TENM3: variants seen among roughly 807,000 people sequenced by gnomAD.
The protein encoded by TENM3 is teneurin transmembrane protein 3, also known as teneurin-3.
A neutral mutation model predicts 255.1 loss-of-function variants in TENM3; 63 were observed. The ratio of observed to expected loss-of-function variants is 0.25; its 90% CI spans 0.20 to 0.30. The LOEUF is 0.30. Among genes scored for constraint, TENM3 ranks in the 10% least tolerant of loss-of-function variants. The pLI, the probability that TENM3 is intolerant of heterozygous loss-of-function variation, is 1.00. For synonymous variants in TENM3, 1,306 were observed against 1,322.3 expected (o/e 0.99, Z 0.27); for missense variants, 2,929 against 3,461.1 (o/e 0.85, Z 3.86).
chr4:182,256,143 C>T (rs1250925544), intron 1 of TENM3, among the ~76,000 whole-genome samples: 5 of 152,140 alleles, frequency 3.3e-5, no homozygotes, highest in Non-Finnish European at 7.4e-5. Context: ...TAGGCTTTCT[C>T]GAGGTTATTC....
the TENM3 span, among the ~76,000 whole-genome samples, chr4:182,074,925 G>A: frequency 1.3e-5 from 2 of 152,128 alleles, no homozygotes; most frequent in African/African-American, 2.4e-5. Context: ...GAATGTGTTG[G>A]CTCCCATCCA....
At chr4:182,407,722 A>G (rs1561415302) in intron 3 of TENM3, among the ~76,000 whole-genome samples, 2 of 152,320 alleles carry the variant, frequency 1.3e-5, no homozygotes, top group Non-Finnish European at 1.5e-5. Flanking sequence ...TGAAATTGAC[A>G]TTTGTTCAAG....
chr4:181,808,501 A>G, the TENM3 span, among the ~76,000 whole-genome samples: 1 of 152,204 alleles, frequency 6.6e-6, no homozygotes, highest in African/African-American at 2.4e-5. Context: ...TCTGTAATCT[A>G]TCTTTAAAAA....
At chr4:181,797,352 C>T in the TENM3 span, among the ~76,000 whole-genome samples, 1 of 152,022 alleles carries the variant, frequency 6.6e-6, no homozygotes, top group Non-Finnish European at 1.5e-5. Flanking sequence ...AGAGAAGGGG[C>T]CTTGGACTCC....
the TENM3 span, among the ~76,000 whole-genome samples, chr4:181,657,151 C>G: frequency 9.9e-5 from 15 of 152,180 alleles, no homozygotes; most frequent in East Asian, 2.9e-3. Flanking sequence ...CTTAGAGGAC[C>G]AGTGATCTTT....
chr4:181,949,301 C>T, the TENM3 span, among the ~76,000 whole-genome samples: 2 of 152,170 alleles, frequency 1.3e-5, no homozygotes, highest in African/African-American at 2.4e-5. Context: ...CTTAATAGAA[C>T]AACTGCAAAA....
At chr4:182,454,775 TTA>T (rs1303962966) in intron 3 of TENM3, among the ~76,000 whole-genome samples, 2 of 152,230 alleles carry the variant, frequency 1.3e-5, no homozygotes, top group African/African-American at 4.8e-5. Context: ...GCATTCTTGC[TTA>T]TATGTTTGAA....
intron 3 of TENM3, among the ~76,000 whole-genome samples, chr4:182,363,880 A>G (rs1351490078): frequency 6.6e-6 from 1 of 152,192 alleles, no homozygotes; most frequent in Non-Finnish European, 1.5e-5. Context: ...TTTAGCATAC[A>G]GCAGATGAAG....
chr4:181,924,798 G>A, the TENM3 span, among the ~76,000 whole-genome samples: 2 of 152,156 alleles, frequency 1.3e-5, no homozygotes, highest in Non-Finnish European at 2.9e-5. Context: ...ATTAAAAATA[G>A]AGAGCTGGTC....
At chr4:182,387,492 A>C (rs1768040471) in intron 3 of TENM3, among the ~76,000 whole-genome samples, 1 of 152,186 alleles carries the variant, frequency 6.6e-6, no homozygotes, top group South Asian at 2.1e-4. Context: ...ACATAAGAGA[A>C]TAAAAGAAGG....
chr4:182,526,434 T>C (rs1276092735), intron 3 of TENM3, among the ~76,000 whole-genome samples: 1 of 152,104 alleles, frequency 6.6e-6, no homozygotes, highest in Admixed American at 6.5e-5. Context: ...TTTTTCACTT[T>C]CCTTTTGCCA....
At chr4:181,932,222 T>A in the TENM3 span, among the ~76,000 whole-genome samples, 1 of 151,990 alleles carries the variant, frequency 6.6e-6, no homozygotes, top group Admixed American at 6.5e-5. Flanking sequence ...ATCATCAGAG[T>A]GAACAGGCAG....
In TENM3 at chr4:182,680,665, G is replaced by T; in HGVS notation, c.1762G>T (p.Gly588Trp). The change falls in exon 10 of 28, where the codon GGG becomes TGG. Residue 588 changes from glycine (G) to tryptophan (W), a missense_variant. Gly to Trp is a radical substitution (Grantham distance 184). Transcript: ENST00000511685. ...TACCCAGTGTATTGACCCACAGTGT[G>T]GGGGTCGTGGGATTTGTATCATGGG... is the stretch of plus-strand genomic sequence containing the variant. Reference protein sequence around the residue: ...PTTQCIDPQCGGRGICIMGSC... With the variant: ...PTTQCIDPQCWGRGICIMGSC... 1 of 1,607,740 alleles carries T rather than the reference G, an allele frequency of 6.2e-7. No individual in the cohort carries two copies. Among genetic ancestry groups the T allele is most frequent in the Non-Finnish European group, 8.5e-7 (1 of 1,177,942 alleles).
the TENM3 span, among the ~76,000 whole-genome samples, chr4:182,001,793 A>T: frequency 6.6e-6 from 1 of 152,128 alleles, no homozygotes; most frequent in Non-Finnish European, 1.5e-5. Flanking sequence ...TAAAAAGAGA[A>T]AAATGGCCTT....
intron 3 of TENM3, among the ~76,000 whole-genome samples, chr4:182,370,487 T>G (rs1766729428): frequency 6.6e-6 from 1 of 152,190 alleles, no homozygotes; most frequent in South Asian, 2.1e-4. Context: ...TAACTGACAT[T>G]ACCTGAATAT....
chr4:181,979,518 G>A, the TENM3 span, among the ~76,000 whole-genome samples: 145 of 152,240 alleles, frequency 9.5e-4, no homozygotes, highest in African/African-American at 3.0e-3. Flanking sequence ...AAGTCTGAGC[G>A]GAGAGGTGAA....
At chr4:182,365,686 T>C (rs934902677) in intron 3 of TENM3, among the ~76,000 whole-genome samples, 1 of 152,194 alleles carries the variant, frequency 6.6e-6, no homozygotes, top group South Asian at 2.1e-4. Context: ...CATCAATCCA[T>C]AGAGTGTTGC....
chr4:181,787,517 T>C, the TENM3 span, among the ~76,000 whole-genome samples: 6,349 of 152,096 alleles, frequency 0.042, 289 homozygotes, highest in African/African-American at 0.11. Flanking sequence ...TTTTCATATT[T>C]TTAGTAGAGA....
chr4:182,235,962 G>T (rs1053341486), intron 1 of TENM3, among the ~76,000 whole-genome samples: 6 of 152,198 alleles, frequency 3.9e-5, no homozygotes, highest in African/African-American at 1.4e-4. Flanking sequence ...TATCCCAAGG[G>T]CAAAGAGAAG....
Sources: allele counts gnomAD v4.1 joint callset (sites outside exome capture counted in the v4.1 genomes callset), GRCh38; gene constraint gnomAD v4.1.1; transcripts MANE v1.5; gene names NCBI Gene and HGNC (gene_info 2026-07-23, HGNC 2026-07-21).